The following SPMAP2L variants were observed in gnomAD, a reference collection of about 807,000 sequenced individuals.
SPMAP2L encodes sperm microtubule associated protein 2-like.
chr4:56,559,503 C>T, the SPMAP2L span: 1 of 1,523,766 alleles, frequency 6.6e-7, no homozygotes, highest in Non-Finnish European at 8.7e-7. Flanking sequence ...AAGTTTCCTG[C>T]CACTATGTAC....
At chr4:56,607,197 A>G in the SPMAP2L span, among the ~76,000 whole-genome samples, 59 of 151,996 alleles carry the variant, frequency 3.9e-4, 2 homozygotes. Flanking sequence ...GGTCTGAAGG[A>G]CTCTGCTCTA....
At chr4:56,619,382 G>C in the SPMAP2L span, among the ~76,000 whole-genome samples, 1 of 152,144 alleles carries the variant, frequency 6.6e-6, no homozygotes, top group African/African-American at 2.4e-5. Flanking sequence ...CCTGTTGTTA[G>C]TACCGTTCCA....
chr4:56,602,202 C>T, the SPMAP2L span, among the ~76,000 whole-genome samples: 914 of 152,198 alleles, frequency 6.0e-3, 8 homozygotes, highest in African/African-American at 0.021. Flanking sequence ...GTTACCTTGA[C>T]GGATAACATC....
the SPMAP2L span, among the ~76,000 whole-genome samples, chr4:56,598,551 G>C: frequency 1.2e-4 from 18 of 152,140 alleles, no homozygotes; most frequent in African/African-American, 3.9e-4. Flanking sequence ...TATGAGTCTA[G>C]AGACTTGAGT....
At chr4:56,610,989 C>A in the SPMAP2L span, among the ~76,000 whole-genome samples, 1 of 152,156 alleles carries the variant, frequency 6.6e-6, no homozygotes, top group Non-Finnish European at 1.5e-5. Context: ...TTCTACATTG[C>A]TCATGGGAAT....
chr4:56,580,766 G>A, the SPMAP2L span, among the ~76,000 whole-genome samples: 2 of 152,084 alleles, frequency 1.3e-5, no homozygotes, highest in African/African-American at 4.8e-5. Flanking sequence ...GACTATTAGA[G>A]CTAATAAATT....
the SPMAP2L span, among the ~76,000 whole-genome samples, chr4:56,605,590 C>T: frequency 1.4e-4 from 21 of 152,246 alleles, 1 homozygote; most frequent in South Asian, 4.4e-3. Context: ...CTTTAAATCA[C>T]CTAGCCTTGC....
At chr4:56,618,479 T>C in the SPMAP2L span, among the ~76,000 whole-genome samples, 1 of 152,182 alleles carries the variant, frequency 6.6e-6, no homozygotes, top group Non-Finnish European at 1.5e-5. Flanking sequence ...TGGGGAGGCC[T>C]CAGGAAACTT....
chr4:56,599,312 C>A, the SPMAP2L span, among the ~76,000 whole-genome samples: 9 of 152,098 alleles, frequency 5.9e-5, no homozygotes, highest in African/African-American at 2.2e-4. Flanking sequence ...GCCTCCTGAG[C>A]AGCTGTGACC....
the SPMAP2L span, among the ~76,000 whole-genome samples, chr4:56,610,783 G>A: frequency 6.6e-6 from 1 of 152,104 alleles, no homozygotes; most frequent in Non-Finnish European, 1.5e-5. Context: ...GGTGGGCTAA[G>A]GATATGAGTA....
chr4:56,592,569 C>T, the SPMAP2L span, among the ~76,000 whole-genome samples: 15 of 152,358 alleles, frequency 9.8e-5, no homozygotes, highest in Admixed American at 9.8e-4. Flanking sequence ...AGGCTGGACG[C>T]AGCCGCCACC....
the SPMAP2L span, among the ~76,000 whole-genome samples, chr4:56,534,821 CGG>C: frequency 6.6e-6 from 1 of 152,072 alleles, no homozygotes; most frequent in Non-Finnish European, 1.5e-5. Context: ...CCCAGCTACT[CGG>C]GAGGCTAAGG....
At chr4:56,594,966 T>C in the SPMAP2L span, 99 of 1,610,032 alleles carry the variant, frequency 6.1e-5, no homozygotes, top group Admixed American at 6.3e-4. Context: ...ATGGGGCCCA[T>C]TGGCGTAAGA....
chr4:56,621,865 A>G, the SPMAP2L span, among the ~76,000 whole-genome samples: 1 of 152,200 alleles, frequency 6.6e-6, no homozygotes, highest in Non-Finnish European at 1.5e-5. Flanking sequence ...TGGAGCACAG[A>G]GGATTTTTAG....
At chr4:56,596,587 G>A in the SPMAP2L span, 335 of 1,533,188 alleles carry the variant, frequency 2.2e-4, no homozygotes, top group Non-Finnish European at 2.7e-4. Flanking sequence ...CAAGTTAGAG[G>A]GTCTGTGCTA....
chr4:56,605,888 C>T, the SPMAP2L span, among the ~76,000 whole-genome samples: 1 of 152,154 alleles, frequency 6.6e-6, no homozygotes, highest in South Asian at 2.1e-4. Flanking sequence ...GAACCTTGCA[C>T]CTGGTACCGT....
At chr4:56,594,901 G>A in the SPMAP2L span, 25,390 of 1,610,840 alleles carry the variant, frequency 0.016, 527 homozygotes, top group African/African-American at 0.08. Flanking sequence ...CTGATGTCTC[G>A]CACCTAAATC....
At chr4:56,531,223 C>A in the SPMAP2L span, 32,607 of 1,476,078 alleles carry the variant, frequency 0.022, 434 homozygotes, top group Non-Finnish European at 0.026. Context: ...CCCCTCATTC[C>A]CCACGCGCTG....
At chr4:56,606,907 C>T in the SPMAP2L span, among the ~76,000 whole-genome samples, 2 of 152,084 alleles carry the variant, frequency 1.3e-5, no homozygotes, top group African/African-American at 2.4e-5. Flanking sequence ...TTATTTAGTA[C>T]GTCATTTTAA....
Sources: gnomAD v4.1 joint callset for allele counts (sites outside exome capture counted in the v4.1 genomes callset) on GRCh38, gnomAD v4.1.1 for gene constraint, MANE v1.5 for transcripts, NCBI Gene and HGNC (gene_info 2026-07-23, HGNC 2026-07-21) for gene names.